Variants in PTPRD observed in about 807,000 individuals in gnomAD.
PTPRD encodes the protein protein tyrosine phosphatase receptor type D.
PTPRD carries 34 observed loss-of-function variants against 214.5 expected under a neutral mutation model. The observed-to-expected ratio is 0.16, with a 90% confidence interval of 0.12 to 0.21. PTPRD has a LOEUF of 0.21. Ranked by LOEUF, PTPRD falls within the 10% of genes least tolerant of loss-of-function variation. The pLI is 1.00. For missense variants in PTPRD, 2,545 were observed against 2,398.7 expected (o/e 1.06, Z -1.27); for synonymous variants, 1,128 against 845.7 (o/e 1.33, Z -5.79).
intron 35 of PTPRD, among the ~76,000 whole-genome samples, chr9:8,423,576 G>C (rs933773110): frequency 6.6e-6 from 1 of 152,128 alleles, no homozygotes. Context: ...ATTTATTGTG[G>C]TGAGCAAGTT....
chr9:8,670,355 G>C (rs1324155758), intron 12 of PTPRD, among the ~76,000 whole-genome samples: 1 of 151,902 alleles, frequency 6.6e-6, no homozygotes. Flanking sequence ...CTGTATCTCT[G>C]TGTATTACAT....
chr9:10,125,718 G>T (rs568754757), intron 3 of PTPRD, among the ~76,000 whole-genome samples: 2 of 151,318 alleles, frequency 1.3e-5, no homozygotes, highest in East Asian at 3.9e-4. Context: ...TCCTTTCCTC[G>T]GGATCCGCTC....
intron 43 of PTPRD, among the ~76,000 whole-genome samples, chr9:8,333,958 G>C (rs1045913779): frequency 6.6e-6 from 1 of 152,080 alleles, no homozygotes; most frequent in Admixed American, 6.6e-5. Flanking sequence ...TAATGGCAAA[G>C]GGATCAATGA....
chr9:9,856,016 G>T (rs2061488445), intron 5 of PTPRD, among the ~76,000 whole-genome samples: 1 of 152,230 alleles, frequency 6.6e-6, no homozygotes, highest in African/African-American at 2.4e-5. Context: ...TCGCAAGAAT[G>T]AGTGGAAGAA....
Position 8,818,071 on chromosome 9 carries a change from T to C in PTPRD, c.-103-84125A>G, listed in dbSNP as rs534941509. Among the ~76,000 whole-genome samples, 41 of 152,352 alleles carry C rather than the reference T, an allele frequency of 2.7e-4. No homozygotes were observed. The South Asian group carries it at 4.8e-3, about 18-fold the overall frequency. On this transcript the variant is annotated intron_variant, in intron 11 of 45. Coordinates refer to ENST00000381196, the MANE Select transcript of PTPRD (RefSeq NM_002839.4). ...TTTAGATAGAGTTAAATTGTAACTC[T>C]TGAATTTCAATTGAACTACAATTAA...
At chr9:9,290,169 T>C (rs905983423) in intron 9 of PTPRD, among the ~76,000 whole-genome samples, 1 of 151,824 alleles carries the variant, frequency 6.6e-6, no homozygotes, top group Non-Finnish European at 1.5e-5. Flanking sequence ...TGTGAGGTGA[T>C]ACCTCATTGT....
intron 3 of PTPRD, among the ~76,000 whole-genome samples, chr9:10,311,512 G>A (rs2096266415): frequency 6.6e-6 from 1 of 151,868 alleles, no homozygotes; most frequent in Non-Finnish European, 1.5e-5. Flanking sequence ...AAATATAATT[G>A]CACTCTCTGC....
intron 7 of PTPRD, among the ~76,000 whole-genome samples, chr9:9,720,461 G>T (rs901345112): frequency 6.6e-6 from 1 of 152,122 alleles, no homozygotes; most frequent in African/African-American, 2.4e-5. Flanking sequence ...TTTACTTAAG[G>T]ACATGAAGCC....
chr9:8,373,194 A>C (rs2082065425), intron 39 of PTPRD, among the ~76,000 whole-genome samples: 1 of 151,924 alleles, frequency 6.6e-6, no homozygotes, highest in African/African-American at 2.4e-5. Context: ...TTTAAGAATG[A>C]CTTTAATCTG....
chr9:10,611,570 T>A (rs116430376), intron 2 of PTPRD, among the ~76,000 whole-genome samples: 57 of 152,296 alleles, frequency 3.7e-4, no homozygotes, highest in African/African-American at 1.4e-3. Flanking sequence ...AAAGAAATGC[T>A]ACAGCTACTG....
At chr9:10,263,499 G>C (rs955525040) in intron 3 of PTPRD, among the ~76,000 whole-genome samples, 3 of 152,118 alleles carry the variant, frequency 2.0e-5, no homozygotes, top group African/African-American at 7.2e-5. Context: ...CTGGAGTAAA[G>C]GTCACTCTTG....
intron 11 of PTPRD, among the ~76,000 whole-genome samples, chr9:8,900,533 T>C (rs550465485): frequency 1.3e-5 from 2 of 152,336 alleles, no homozygotes; most frequent in African/African-American, 4.8e-5. Flanking sequence ...AATCAGTCCT[T>C]GGGTCAGGTC....
intron 9 of PTPRD, among the ~76,000 whole-genome samples, chr9:9,363,113 T>G (rs1024828776): frequency 4.5e-4 from 1 of 2,222 alleles, no homozygotes; most frequent in African/African-American, 8.2e-4. Context: ...ATTTTGTGCT[T>G]TTTTTTTTTT....
At chr9:8,748,661 C>T (rs1248537199) in intron 11 of PTPRD, among the ~76,000 whole-genome samples, 1 of 152,024 alleles carries the variant, frequency 6.6e-6, no homozygotes, top group African/African-American at 2.4e-5. Flanking sequence ...CATGTAATCC[C>T]AACATTTTGA....
chr9:10,511,338 T>G (rs2133789142), intron 2 of PTPRD, among the ~76,000 whole-genome samples: 1 of 152,210 alleles, frequency 6.6e-6, no homozygotes, highest in South Asian at 2.1e-4. Context: ...TACTAGAAAC[T>G]GCCAAATTGT....
At chr9:9,343,120 T>G (rs2047460655) in intron 9 of PTPRD, among the ~76,000 whole-genome samples, 2 of 152,204 alleles carry the variant, frequency 1.3e-5, no homozygotes, top group Admixed American at 1.3e-4. Flanking sequence ...ATTTTCTTCA[T>G]CCAGTCTATC....
chr9:9,458,471 G>C (rs1353581106), intron 8 of PTPRD, among the ~76,000 whole-genome samples: 1 of 152,038 alleles, frequency 6.6e-6, no homozygotes, highest in African/African-American at 2.4e-5. Flanking sequence ...TTTGTATAAT[G>C]AGTGTGCATG....
chr9:8,714,312 T>G (rs987571081), intron 12 of PTPRD, among the ~76,000 whole-genome samples: 37 of 148,414 alleles, frequency 2.5e-4, no homozygotes, highest in Admixed American at 6.6e-4. Context: ...ATTGGGTTTT[T>G]TTTTGTTTTG....
intron 14 of PTPRD, among the ~76,000 whole-genome samples, chr9:8,589,774 T>G (rs1042287357): frequency 6.6e-6 from 1 of 152,204 alleles, no homozygotes; most frequent in Non-Finnish European, 1.5e-5. Context: ...ATGAGAAACT[T>G]GACACATTCC....
Sources: gnomAD v4.1 joint callset for allele counts (sites outside exome capture counted in the v4.1 genomes callset) on GRCh38, gnomAD v4.1.1 for gene constraint, MANE v1.5 for transcripts, NCBI Gene and HGNC (gene_info 2026-07-23, HGNC 2026-07-21) for gene names.